RSRC1: variants seen among roughly 807,000 people sequenced by gnomAD.
RSRC1 encodes arginine and serine rich coiled-coil 1.
Under a neutral mutation model 49.1 loss-of-function variants are expected in RSRC1, and 39 were observed. The ratio of observed to expected loss-of-function variants is 0.79; its 90% CI spans 0.61 to 1.04. The LOEUF (loss-of-function observed/expected upper bound fraction) is 1.04. RSRC1 is among the 50% of genes least tolerant of loss of function. RSRC1 has a pLI of 0.00. For synonymous variants in RSRC1, 143 were observed against 130.8 expected, an observed-to-expected ratio of 1.09 and a Z score of -0.63; for missense variants, 388 against 402.4, an observed-to-expected ratio of 0.96 and a Z score of 0.31.
chr3:158,281,810 T>A (rs1363610438), intron 4 of RSRC1, among the ~76,000 whole-genome samples: 1 of 152,136 alleles, frequency 6.6e-6, no homozygotes, highest in East Asian at 1.9e-4. Context: ...AATTTTTGGA[T>A]GTAGTGGGAG....
chr3:158,412,008 C>T (rs1252917347), intron 6 of RSRC1, among the ~76,000 whole-genome samples: 1 of 151,976 alleles, frequency 6.6e-6, no homozygotes, highest in African/African-American at 2.4e-5. Context: ...AGTTGTAAGC[C>T]ATTGATATCT....
intron 4 of RSRC1, among the ~76,000 whole-genome samples, chr3:158,208,517 C>G (rs55699647): frequency 6.6e-6 from 1 of 152,026 alleles, no homozygotes; most frequent in Non-Finnish European, 1.5e-5. Flanking sequence ...GTGTTCACCA[C>G]GAAACTTGGC....
rs185114011 is a variant in RSRC1, at chr3:158,400,642, G to T, written c.583+45734G>T. Among the ~76,000 whole-genome samples the T allele has an allele frequency of 1.7e-3, 254 of 152,140 alleles. 3 individuals carry two copies. Among genetic ancestry groups the T allele is most frequent in the Non-Finnish European group, 3.3e-3 (225 of 67,968 alleles). On this transcript the variant is annotated intron_variant, in intron 6 of 9. Transcript: ENST00000611884. ...TGTGTCATAGTTTTTAATAAAAAAGGTTAACACATAAAGAAAAAAGAAATT... is the reference window on the plus strand; with the variant it reads ...TGTGTCATAGTTTTTAATAAAAAAGTTTAACACATAAAGAAAAAAGAAATT...
chr3:158,438,078 A>G (rs1286173590), intron 6 of RSRC1, among the ~76,000 whole-genome samples: 1 of 152,192 alleles, frequency 6.6e-6, no homozygotes, highest in Non-Finnish European at 1.5e-5. Context: ...ATTGCTACAA[A>G]GAGAATAAAA....
intron 5 of RSRC1, among the ~76,000 whole-genome samples, chr3:158,348,277 G>C (rs1431680046): frequency 1.3e-5 from 2 of 152,302 alleles, no homozygotes; most frequent in East Asian, 3.8e-4. Context: ...ATGGAAGTGA[G>C]AAAGGTAAAC....
chr3:158,118,797 C>G (rs906121270), intron 1 of RSRC1, among the ~76,000 whole-genome samples: 12 of 152,130 alleles, frequency 7.9e-5, no homozygotes, highest in African/African-American at 2.9e-4. Flanking sequence ...AAGGTTTGGA[C>G]TTGTCAACTA....
chr3:158,505,558 G>C (rs1195891137), intron 7 of RSRC1, among the ~76,000 whole-genome samples: 1 of 152,004 alleles, frequency 6.6e-6, no homozygotes, highest in East Asian at 1.9e-4. Flanking sequence ...GCTTTGGGAA[G>C]GTTTCACAAG....
At chr3:158,423,253 A>G (rs1187355078) in intron 6 of RSRC1, among the ~76,000 whole-genome samples, 2 of 152,098 alleles carry the variant, frequency 1.3e-5, no homozygotes, top group Admixed American at 6.6e-5. Context: ...TGATTTTTGT[A>G]TAAGGTGTAA....
chr3:158,238,990 G>C (rs1490855211), intron 4 of RSRC1, among the ~76,000 whole-genome samples: 4 of 151,762 alleles, frequency 2.6e-5, no homozygotes, highest in African/African-American at 4.8e-5. Flanking sequence ...CTAATATCCA[G>C]AATCTACAAA....
chr3:158,330,010 C>T (rs1729449380), intron 5 of RSRC1, among the ~76,000 whole-genome samples: 1 of 152,186 alleles, frequency 6.6e-6, no homozygotes, highest in African/African-American at 2.4e-5. Context: ...AGCGAGGCTC[C>T]GTGGGCGTTG....
At chr3:158,215,287 G>A (rs1307769450) in intron 4 of RSRC1, among the ~76,000 whole-genome samples, 1 of 141,378 alleles carries the variant, frequency 7.1e-6, no homozygotes, top group African/African-American at 2.6e-5. Context: ...TGAGTTTCTT[G>A]CATATAGATA....
chr3:158,387,500 G>A (rs1036803704), intron 6 of RSRC1, among the ~76,000 whole-genome samples: 1 of 152,112 alleles, frequency 6.6e-6, no homozygotes, highest in Non-Finnish European at 1.5e-5. Flanking sequence ...AAGTCAACTA[G>A]AATGCATAAC....
chr3:158,348,582 T>A lies in RSRC1; in HGVS notation c.532-6275T>A, dbSNP rs534316309. On this transcript the variant is annotated intron_variant, in intron 5 of 9. Transcript: ENST00000611884. Reference sequence around the variant, plus strand: ...TTTTTGTGTGTTTTTTTAAATTATTTTATTTTTTTTTATTTTAGAGTTTGG... The same window carrying A: ...TTTTTGTGTGTTTTTTTAAATTATTATATTTTTTTTTATTTTAGAGTTTGG... Among the ~76,000 whole-genome samples the A allele has an allele frequency of 6.1e-4, 77 of 125,756 alleles. 1 individual carries two copies. Among genetic ancestry groups the A allele is most frequent in the East Asian group, 5.8e-3 (18 of 3,108 alleles). The allele number at this position is 125,756 out of a possible 152,430, so 82.5% of individuals were successfully genotyped here. A position where few individuals can be genotyped will look rare whatever the true frequency, so the allele number is the denominator to read the frequency against.
At chr3:158,259,609 G>T (rs1308647723) in intron 4 of RSRC1, among the ~76,000 whole-genome samples, 6 of 152,164 alleles carry the variant, frequency 3.9e-5, no homozygotes, top group African/African-American at 1.4e-4. Context: ...AAGTCCAGTG[G>T]CTCTACAATC....
At chr3:158,132,234 C>T in intron 3 of RSRC1, 1 of 367,060 alleles carries the variant, frequency 2.7e-6, no homozygotes, top group South Asian at 2.1e-5. Flanking sequence ...GATCCCCCTG[C>T]CTTGGCCTCA....
At chr3:158,288,884 GT>G (rs1726749225) in intron 4 of RSRC1, among the ~76,000 whole-genome samples, 1 of 121,208 alleles carries the variant, frequency 8.3e-6, no homozygotes, top group Non-Finnish European at 1.6e-5. Flanking sequence ...TGACTTCATT[GT>G]TGTGGATTCA....
At chr3:158,361,035 CA>C (rs889847943) in intron 6 of RSRC1, among the ~76,000 whole-genome samples, 2 of 152,208 alleles carry the variant, frequency 1.3e-5, no homozygotes, top group African/African-American at 4.8e-5. Flanking sequence ...CCCTGGCTCT[CA>C]GGGGTGGCCC....
chr3:158,238,236 G>GA (rs750214531), intron 4 of RSRC1, among the ~76,000 whole-genome samples: 8 of 152,066 alleles, frequency 5.3e-5, no homozygotes, highest in Non-Finnish European at 1.2e-4. Flanking sequence ...ACAAATGAAA[G>GA]AACATTCCAT....
chr3:158,155,262 A>G (rs996103333), intron 3 of RSRC1, among the ~76,000 whole-genome samples: 17 of 152,162 alleles, frequency 1.1e-4, no homozygotes, highest in African/African-American at 4.1e-4. Context: ...TGGCAGCTAT[A>G]GCCTTACAAA....
Sources: gnomAD v4.1 joint callset for allele counts (sites outside exome capture counted in the v4.1 genomes callset) on GRCh38, gnomAD v4.1.1 for gene constraint, MANE v1.5 for transcripts, NCBI Gene and HGNC (gene_info 2026-07-23, HGNC 2026-07-21) for gene names.